The following LINGO2 variants were observed in gnomAD, a reference collection of about 807,000 sequenced individuals.
LINGO2 encodes leucine rich repeat and Ig domain containing 2, also known as leucine-rich repeat and immunoglobulin-like domain-containing nogo receptor-interacting protein 2.
Under a neutral mutation model 30.6 loss-of-function variants are expected in LINGO2, and 14 were observed. The ratio of observed to expected loss-of-function variants is 0.46; its 90% CI spans 0.30 to 0.72. The LOEUF (loss-of-function observed/expected upper bound fraction) is 0.72. LINGO2 is among the 30% of genes least tolerant of loss of function. The probability of loss-of-function intolerance (pLI) is 0.07; values close to 1 mark genes in which losing one functional copy is unlikely to be tolerated. For missense variants in LINGO2, 729 were observed against 751.7 expected (o/e 0.97, Z 0.35); for synonymous variants, 317 against 288.5 (o/e 1.10, Z -1.00).
chr9:29,103,375 A>AT, the LINGO2 span, among the ~76,000 whole-genome samples: 3 of 151,206 alleles, frequency 2.0e-5, no homozygotes, highest in Non-Finnish European at 4.4e-5. Flanking sequence ...AACACTATTT[A>AT]TTTTTAGTAT....
At chr9:28,865,575 G>A in the LINGO2 span, among the ~76,000 whole-genome samples, 285 of 152,278 alleles carry the variant, frequency 1.9e-3, 1 homozygote, top group African/African-American at 6.3e-3. Flanking sequence ...GAGGTCAGGA[G>A]ATCGAGACCA....
the LINGO2 span, among the ~76,000 whole-genome samples, chr9:28,838,118 A>T: frequency 0.032 from 4,886 of 152,230 alleles, 274 homozygotes; most frequent in African/African-American, 0.11. Flanking sequence ...CTTCATAATT[A>T]TACTAAGACA....
At chr9:29,111,197 A>C in the LINGO2 span, among the ~76,000 whole-genome samples, 3 of 152,218 alleles carry the variant, frequency 2.0e-5, no homozygotes, top group South Asian at 2.1e-4. Context: ...CATTTAAGCT[A>C]AAGTAACCTG....
At chr9:28,481,444 C>T (rs2135222992) in intron 1 of LINGO2, among the ~76,000 whole-genome samples, 1 of 152,062 alleles carries the variant, frequency 6.6e-6, no homozygotes, top group East Asian at 1.9e-4. Flanking sequence ...ACTTTATTTT[C>T]CTTTCTCTGA....
chr9:28,111,005 G>T (rs531479763), intron 4 of LINGO2, among the ~76,000 whole-genome samples: 1 of 152,296 alleles, frequency 6.6e-6, no homozygotes, highest in South Asian at 2.1e-4. Context: ...ATCAATGATA[G>T]ACTGGATAAA....
the LINGO2 span, among the ~76,000 whole-genome samples, chr9:29,031,911 T>C: frequency 2.6e-5 from 4 of 152,110 alleles, no homozygotes; most frequent in African/African-American, 9.7e-5. Flanking sequence ...AAATAGTGAA[T>C]TGTAGGTGAC....
the LINGO2 span, among the ~76,000 whole-genome samples, chr9:28,761,735 C>T: frequency 2.0e-5 from 3 of 151,886 alleles, no homozygotes; most frequent in African/African-American, 4.8e-5. Flanking sequence ...GACTTAATTC[C>T]CATGGCAAAA....
chr9:28,678,431 T>C, the LINGO2 span, among the ~76,000 whole-genome samples: 1 of 152,164 alleles, frequency 6.6e-6, no homozygotes, highest in Non-Finnish European at 1.5e-5. Context: ...TGCTTTTTGA[T>C]ATTCTGTTTG....
At chr9:29,036,028 G>A in the LINGO2 span, among the ~76,000 whole-genome samples, 1 of 152,042 alleles carries the variant, frequency 6.6e-6, no homozygotes, top group African/African-American at 2.4e-5. Context: ...ATCACAGAAT[G>A]GTGGGGATAG....
the LINGO2 span, among the ~76,000 whole-genome samples, chr9:28,831,147 C>T: frequency 3.3e-5 from 5 of 152,312 alleles, no homozygotes; most frequent in Admixed American, 1.3e-4. Context: ...ACTGAACTGA[C>T]GATGCTTAGT....
At chr9:28,580,005 C>T (rs1008888801) in intron 1 of LINGO2, among the ~76,000 whole-genome samples, 6 of 152,088 alleles carry the variant, frequency 3.9e-5, no homozygotes, top group African/African-American at 1.4e-4. Flanking sequence ...TTGGGCTTTT[C>T]GAGCTCAACT....
chr9:29,134,093 T>C, the LINGO2 span, among the ~76,000 whole-genome samples: 3 of 152,184 alleles, frequency 2.0e-5, no homozygotes, highest in African/African-American at 4.8e-5. Flanking sequence ...GATAACAATA[T>C]GGTTTGAGTC....
At chr9:28,412,127 T>G (rs576607673) in intron 2 of LINGO2, among the ~76,000 whole-genome samples, 1 of 146,374 alleles carries the variant, frequency 6.8e-6, no homozygotes, top group African/African-American at 2.5e-5. Context: ...CAGTGTTCAC[T>G]ACATTATACT....
chr9:28,365,741 G>A (rs1178105399), intron 3 of LINGO2, among the ~76,000 whole-genome samples: 1 of 150,780 alleles, frequency 6.6e-6, no homozygotes, highest in Non-Finnish European at 1.5e-5. Flanking sequence ...AGAGCTAGGA[G>A]GTACAAAGGA....
At chr9:28,728,208 G>C in the LINGO2 span, among the ~76,000 whole-genome samples, 1 of 152,130 alleles carries the variant, frequency 6.6e-6, no homozygotes, top group Admixed American at 6.5e-5. Flanking sequence ...AACTGCCTCT[G>C]GCACAGGAAA....
At chr9:28,998,876 G>A in the LINGO2 span, among the ~76,000 whole-genome samples, 1 of 149,086 alleles carries the variant, frequency 6.7e-6, no homozygotes. Flanking sequence ...GACAGTACAT[G>A]AGAAGCTCTA....
the LINGO2 span, among the ~76,000 whole-genome samples, chr9:29,120,942 C>T: frequency 6.6e-6 from 1 of 152,066 alleles, no homozygotes; most frequent in Non-Finnish European, 1.5e-5. Context: ...TTGTCTCTTA[C>T]AATATAACTA....
the LINGO2 span, among the ~76,000 whole-genome samples, chr9:29,207,783 C>A: frequency 3.0e-4 from 45 of 152,034 alleles, no homozygotes; most frequent in Non-Finnish European, 4.4e-4. Context: ...TAAAGACAGG[C>A]TATTCTTGAC....
intron 4 of LINGO2, among the ~76,000 whole-genome samples, chr9:28,254,471 T>C (rs899426428): frequency 1.3e-5 from 2 of 152,128 alleles, no homozygotes; most frequent in African/African-American, 2.4e-5. Context: ...TCTTCCTAGA[T>C]GAAAGATAGA....
Sources: allele counts gnomAD v4.1 joint callset (sites outside exome capture counted in the v4.1 genomes callset), GRCh38; gene constraint gnomAD v4.1.1; transcripts MANE v1.5; gene names NCBI Gene and HGNC (gene_info 2026-07-23, HGNC 2026-07-21).